NAIP: variants seen among roughly 807,000 people sequenced by gnomAD.
The protein encoded by NAIP is baculoviral IAP repeat-containing protein 1.
NAIP carries 15 observed loss-of-function variants against 23.0 expected under a neutral mutation model. The observed-to-expected ratio is 0.65, with a 90% confidence interval of 0.44 to 1.00. NAIP has a LOEUF of 1.00. NAIP is among the 50% of genes least tolerant of loss of function. The pLI, the probability that NAIP is intolerant of heterozygous loss-of-function variation, is 0.00. For synonymous variants in NAIP, 100 were observed against 100.2 expected, an observed-to-expected ratio of 1.00 and a Z score of 0.01; for missense variants, 265 against 278.8, an observed-to-expected ratio of 0.95 and a Z score of 0.35.
In NAIP at chr5:71,014,769, G is replaced by T. The variant is rs1461328339; in HGVS notation, c.-3-1851C>A. 3.3e-5 allele frequency among the ~76,000 whole-genome samples: 5 copies of T among 151,346 alleles called. No individual in the cohort carries two copies. In the East Asian group the frequency reaches 9.7e-4, roughly 29 times the overall value. ...ATAAAAAAAATTAGCCGGGCATGAT[G>T]GTGGGTGCCTGTAATCCCAGCTACT... is the stretch of plus-strand genomic sequence containing the variant. On this transcript the variant is annotated intron_variant, in intron 3 of 16. Coordinates refer to ENST00000517649, the MANE Select transcript of NAIP (RefSeq NM_004536.3).
chr5:71,006,742 A>AT (rs1750896108), intron 5 of NAIP, among the ~76,000 whole-genome samples: 1 of 16,176 alleles, frequency 6.2e-5, no homozygotes, highest in African/African-American at 1.5e-4. Flanking sequence ...TCTGTCTCTA[A>AT]TTTTTTTGTT....
intron 3 of NAIP, among the ~76,000 whole-genome samples, chr5:71,013,931 C>G (rs1457539774): frequency 6.6e-6 from 1 of 151,424 alleles, no homozygotes; most frequent in African/African-American, 2.4e-5. Flanking sequence ...CTCCCCATTC[C>G]CTCTTAACTT....
chr5:71,011,698 A>G, intron 4 of NAIP: 1 of 470,286 alleles, frequency 2.1e-6, no homozygotes, highest in Non-Finnish European at 4.0e-6. Context: ...GTAACGTGCA[A>G]TTAGAAAACC....
chr5:71,012,607 G>A lies in NAIP; in HGVS notation c.309C>T (p.Ile103=), dbSNP rs1751213151. Residue 103 remains isoleucine, a synonymous_variant, in exon 4 of 17, where the codon ATC becomes ATT. Coordinates refer to ENST00000517649, the MANE Select transcript of NAIP (RefSeq NM_004536.3). Reference sequence around the variant, plus strand: ...GTCTCGTGAGGCCGGCACCAAAGAGGATTAGGCTACAGCAGAAGCACTGAA... The same window carrying A: ...GTCTCGTGAGGCCGGCACCAAAGAGAATTAGGCTACAGCAGAAGCACTGAA... The part of the protein sequence containing the change: ...SGIQCFCCSL[I]LFGAGLTRLP... 6.2e-7 allele frequency: 1 copy of A among 1,611,930 alleles called. No homozygotes were observed. Among genetic ancestry groups the A allele is most frequent in the Non-Finnish European group, 8.5e-7 (1 of 1,178,518 alleles).
chr5:71,010,888 G>A (rs1267842004), intron 5 of NAIP, among the ~76,000 whole-genome samples: 2 of 151,158 alleles, frequency 1.3e-5, no homozygotes, highest in African/African-American at 2.4e-5. Context: ...AAAACTGAAG[G>A]TGCTACTCCA....
At position 70,979,891 on chromosome 5, in the gene NAIP, A is replaced by C. The variant is rs1169638285; in HGVS notation, c.3420T>G (p.Ala1140=). 2 of 11,692 alleles carry C rather than the reference A, an allele frequency of 1.7e-4. No homozygotes were observed. Among genetic ancestry groups the C allele is most frequent in the East Asian group, 4.0e-3 (2 of 498 alleles). 0.7% of individuals were successfully genotyped at this position (11,692 alleles called of 1,614,324 possible). Residue 1140 remains alanine (A), a synonymous_variant, in exon 13 of 17, where the codon GCT becomes GCG. Coordinates refer to ENST00000517649, the MANE Select transcript of NAIP (RefSeq NM_004536.3). ...HMEKLLIQIS[A]EYDPSKLVKL... is the part of the protein sequence containing the mutation. ...TACCTAGTTTGGAAGGATCATACTC[A>C]GCTGAAATTTGGATCAATAATTTCT...
At chr5:71,015,461 T>C (rs1751393418) in intron 3 of NAIP, among the ~76,000 whole-genome samples, 1 of 135,634 alleles carries the variant, frequency 7.4e-6, no homozygotes, top group African/African-American at 2.7e-5. Flanking sequence ...CATAATTGAA[T>C]TATATTGAAA....
At chr5:71,015,218 A>C (rs1438172630) in intron 3 of NAIP, among the ~76,000 whole-genome samples, 2 of 151,478 alleles carry the variant, frequency 1.3e-5, no homozygotes, top group African/African-American at 4.8e-5. Context: ...TCTCTACAAA[A>C]AATTTTAAAA....
intron 5 of NAIP, among the ~76,000 whole-genome samples, chr5:71,007,183 GC>G (rs912428359): frequency 1.4e-5 from 1 of 74,046 alleles, no homozygotes; most frequent in Non-Finnish European, 2.8e-5. Context: ...TTGTGCTCCA[GC>G]CGGGGCTGCT....
chr5:71,008,774 A>G (rs1019299587), intron 5 of NAIP, among the ~76,000 whole-genome samples: 1 of 98,272 alleles, frequency 1.0e-5, no homozygotes, highest in Non-Finnish European at 1.9e-5. Context: ...GCTGCACTCA[A>G]GCCTGGGCAA....
intron 5 of NAIP, among the ~76,000 whole-genome samples, chr5:71,009,465 TG>T (rs1436808432): frequency 1.3e-5 from 2 of 148,776 alleles, no homozygotes; most frequent in African/African-American, 2.5e-5. Flanking sequence ...CCAAGGTGGG[TG>T]GATCACTTGA....
At chr5:71,015,045 C>A (rs1751368657) in intron 3 of NAIP, among the ~76,000 whole-genome samples, 1 of 151,568 alleles carries the variant, frequency 6.6e-6, no homozygotes, top group African/African-American at 2.4e-5. Flanking sequence ...CACACAAATG[C>A]AAATTGATTA....
rs748373010 is a variant in NAIP, at chr5:71,012,671, G to A, written c.245C>T (p.Ala82Val). 98 of 1,611,706 alleles carry A rather than the reference G, an allele frequency of 6.1e-5. 4 individuals carry two copies. Among genetic ancestry groups the A allele is most frequent in the Non-Finnish European group, 7.7e-5 (91 of 1,178,428 alleles). ...CCCAGTGAAGTAAAACCCAGCGGCCGCCATCTCCTGTGGTATCCATGAGCT... is the reference window on the plus strand; with the variant it reads ...CCCAGTGAAGTAAAACCCAGCGGCCACCATCTCCTGTGGTATCCATGAGCT... Reference protein sequence around the residue: ...PYSSWIPQEMAAAGFYFTGVK... With the variant: ...PYSSWIPQEMVAAGFYFTGVK... Residue 82 changes from alanine (A) to valine (V), a missense_variant, in exon 4 of 17, where the codon GCG (alanine) becomes GTG (valine). Ala to Val is a moderately conservative substitution (Grantham distance 64). Coordinates refer to ENST00000517649, the MANE Select transcript of NAIP (RefSeq NM_004536.3).
chr5:71,011,068 G>A lies in NAIP; in HGVS notation c.668+207C>T, dbSNP rs141900689. On this transcript the variant is annotated intron_variant, in intron 5 of 16. Coordinates refer to ENST00000517649, the MANE Select transcript of NAIP (RefSeq NM_004536.3). ...GGCAACATGGCAAAACCCCATCTCT[G>A]CTAAAAATACAAACATTAGCCCATC... Among the ~76,000 whole-genome samples the A allele has an allele frequency of 3.3e-3, 501 of 150,756 alleles. 3 individuals carry two copies. The highest frequency in any genetic ancestry group is 0.012 in the African/African-American group (479 of 41,054).
intron 3 of NAIP, 30 bp from the exon 4 acceptor site, chr5:71,012,948 CT>C (rs2112930277): frequency 6.7e-7 from 1 of 1,497,088 alleles, no homozygotes; most frequent in East Asian, 2.3e-5. Context: ...AGGTTGATCC[CT>C]TATAGTAAGA....
chr5:71,012,262 T>A, intron 4 of NAIP, 86 bp downstream of exon 4: 1 of 1,258,384 alleles, frequency 7.9e-7, no homozygotes, highest in Non-Finnish European at 1.1e-6. Context: ...TGAAGAAAGT[T>A]TAGCAAAATA....
chr5:71,012,506 T>C lies in NAIP; in HGVS notation c.410A>G (p.Lys137Arg). ...LLNKDVGNIA[K>R]YDIRVKNLKS... ...CAGATTCTTCACCCTTATGTCGTACTTGGCAATGTTACCAACATCCTTGTT... is the reference window on the plus strand; with the variant it reads ...CAGATTCTTCACCCTTATGTCGTACCTGGCAATGTTACCAACATCCTTGTT... Residue 137 changes from lysine to arginine, a missense_variant, in exon 4 of 17, where the codon AAG becomes AGG. Physicochemically the swap from Lys to Arg is conservative, Grantham distance 26 (BLOSUM62 2). Coordinates refer to ENST00000517649, the MANE Select transcript of NAIP (RefSeq NM_004536.3). 6.2e-7 allele frequency: 1 copy of C among 1,611,778 alleles called. No individual in the cohort carries two copies. The highest frequency in any genetic ancestry group is 8.5e-7 in the Non-Finnish European group (1 of 1,178,474).
intron 4 of NAIP, among the ~76,000 whole-genome samples, chr5:71,012,141 T>G (rs1462802550): frequency 6.6e-6 from 1 of 151,564 alleles, no homozygotes; most frequent in Admixed American, 6.6e-5. Flanking sequence ...TTTATATATA[T>G]TTGACAAATT....
intron 4 of NAIP, 69 bp from the exon 5 acceptor site, chr5:71,011,443 G>A (rs2112923752): frequency 7.8e-7 from 1 of 1,284,380 alleles, no homozygotes; most frequent in East Asian, 2.4e-5. Flanking sequence ...AGAGTTGATT[G>A]TTTTGTTCAG....
Sources: allele counts gnomAD v4.1 joint callset (sites outside exome capture counted in the v4.1 genomes callset), GRCh38; gene constraint gnomAD v4.1.1; transcripts MANE v1.5; gene names NCBI Gene and HGNC (gene_info 2026-07-23, HGNC 2026-07-21).